SYN3: variants seen among roughly 807,000 people sequenced by gnomAD.
SYN3 encodes synapsin III.
In SYN3, 35 loss-of-function variants were observed where a neutral mutation model predicts 65.8. The ratio of observed to expected loss-of-function variants is 0.53; its 90% CI spans 0.41 to 0.70. The LOEUF is 0.70. SYN3 is among the 30% of genes least tolerant of loss of function. SYN3 has a pLI of 0.00. For missense variants in SYN3, 680 were observed against 749.0 expected (o/e 0.91, Z 1.08); for synonymous variants, 270 against 292.9 (o/e 0.92, Z 0.80).
chr22:32,782,075 T>G (rs1217690126), intron 6 of SYN3, among the ~76,000 whole-genome samples: 1 of 62,642 alleles, frequency 1.6e-5, no homozygotes, highest in Non-Finnish European at 3.8e-5. Flanking sequence ...GCTCTGTAAT[T>G]TTTTTTTTTT....
At chr22:32,913,905 A>C (rs1181953622) in intron 4 of SYN3, among the ~76,000 whole-genome samples, 1 of 152,246 alleles carries the variant, frequency 6.6e-6, no homozygotes, top group Non-Finnish European at 1.5e-5. Context: ...AAACAAGCGT[A>C]TGTTCCAAGC....
At chr22:32,857,918 C>A (rs2048417696) in intron 6 of SYN3, 3 of 1,576,136 alleles carry the variant, frequency 1.9e-6, no homozygotes, top group Admixed American at 3.3e-5. Flanking sequence ...TACCCAGCCA[C>A]AGTGCCTGGG....
intron 6 of SYN3, among the ~76,000 whole-genome samples, chr22:32,615,661 T>C (rs2059509322): frequency 6.6e-6 from 1 of 152,068 alleles, no homozygotes; most frequent in Non-Finnish European, 1.5e-5. Context: ...GAATCATACT[T>C]GTTCTAAGAG....
intron 3 of SYN3, among the ~76,000 whole-genome samples, chr22:32,954,522 T>A (rs2051388324): frequency 6.6e-6 from 1 of 152,260 alleles, no homozygotes; most frequent in South Asian, 2.1e-4. Context: ...GGGCTCCACA[T>A]GCTTAGACAC....
intron 6 of SYN3, among the ~76,000 whole-genome samples, chr22:32,824,084 C>G (rs1472544561): frequency 2.0e-5 from 3 of 152,058 alleles, no homozygotes; most frequent in Admixed American, 2.0e-4. Context: ...CGAGACCATC[C>G]TGGCTAACAC....
At chr22:32,828,704 T>C (rs1010531723) in intron 6 of SYN3, among the ~76,000 whole-genome samples, 2 of 152,198 alleles carry the variant, frequency 1.3e-5, no homozygotes, top group Admixed American at 6.5e-5. Context: ...GCGGGAGTTC[T>C]TACCTACCCA....
At chr22:32,827,952 G>GC (rs1268168968) in intron 6 of SYN3, among the ~76,000 whole-genome samples, 4 of 152,092 alleles carry the variant, frequency 2.6e-5, no homozygotes, top group Admixed American at 2.6e-4. Flanking sequence ...GGCCTTCCTT[G>GC]CCTCCCTTCC....
At chr22:32,541,491 G>C in intron 8 of SYN3, 80 bp downstream of exon 8, 1 of 1,560,792 alleles carries the variant, frequency 6.4e-7, no homozygotes, top group Non-Finnish European at 8.8e-7. Context: ...GCACCCTTGG[G>C]TGCAGGAGAC....
intron 6 of SYN3, among the ~76,000 whole-genome samples, chr22:32,864,233 A>G (rs1433394696): frequency 6.6e-6 from 1 of 152,178 alleles, no homozygotes; most frequent in Admixed American, 6.5e-5. Flanking sequence ...TCCTTTGACC[A>G]GTTTACGAAG....
rs148670522 is a variant in SYN3 at position 32,833,726 on chromosome 22, T to A, written c.711+31189A>T. On this transcript the variant is annotated intron_variant, in intron 6 of 13. Transcript: ENST00000358763. ...TCCACCACTTCCGCATTAGATGATC[T>A]GGGGAGAGTCACTTCTTCTTTACAG... 1,946 of 489,268 alleles carry A rather than the reference T, an allele frequency of 4.0e-3. 37 individuals carry two copies. Among genetic ancestry groups the A allele is most frequent in the African/African-American group, 0.036 (1,780 of 50,066 alleles). 30.3% of individuals were successfully genotyped at this position (489,268 alleles called of 1,614,324 possible). A position where few individuals can be genotyped will look rare whatever the true frequency, so the allele number is the denominator to read the frequency against.
intron 1 of SYN3, among the ~76,000 whole-genome samples, chr22:33,041,831 C>G (rs929512772): frequency 6.6e-6 from 1 of 152,102 alleles, no homozygotes; most frequent in African/African-American, 2.4e-5. Context: ...TTAGCTTGCT[C>G]AGGAAGCCTC....
At chr22:32,638,549 T>C (rs1263410747) in intron 6 of SYN3, among the ~76,000 whole-genome samples, 1 of 152,248 alleles carries the variant, frequency 6.6e-6, no homozygotes, top group Non-Finnish European at 1.5e-5. Context: ...GATTTGCATT[T>C]CTCTGATGAT....
At chr22:32,936,487 A>C (rs1052068352) in intron 3 of SYN3, among the ~76,000 whole-genome samples, 3 of 146,588 alleles carry the variant, frequency 2.0e-5, no homozygotes, top group African/African-American at 7.6e-5. Flanking sequence ...GCAGAGAAAA[A>C]ATAAAACAAA....
intron 7 of SYN3, among the ~76,000 whole-genome samples, chr22:32,583,040 T>C (rs1210226654): frequency 1.3e-5 from 2 of 152,186 alleles, no homozygotes; most frequent in Non-Finnish European, 2.9e-5. Context: ...GCTATTGGTA[T>C]GGAGGTCTCC....
intron 4 of SYN3, among the ~76,000 whole-genome samples, chr22:32,923,360 T>C (rs2050383972): frequency 6.6e-6 from 1 of 152,260 alleles, no homozygotes; most frequent in South Asian, 2.1e-4. Context: ...AAGATCTTCC[T>C]TGATGAGCCT....
intron 3 of SYN3, among the ~76,000 whole-genome samples, chr22:32,938,356 G>A (rs2050833575): frequency 6.6e-6 from 1 of 151,210 alleles, no homozygotes; most frequent in African/African-American, 2.4e-5. Flanking sequence ...GTGAAACCCT[G>A]TCTCTACTAA....
intron 3 of SYN3, among the ~76,000 whole-genome samples, chr22:32,976,728 TTTC>T (rs1040432487): frequency 6.6e-6 from 1 of 151,922 alleles, no homozygotes; most frequent in Non-Finnish European, 1.5e-5. Context: ...CTCCCCAGGG[TTTC>T]TTGATTCCTG....
intron 5 of SYN3, 108 bp from the exon 6 acceptor site, chr22:32,865,112 A>G (rs926236318): frequency 1.1e-5 from 9 of 854,706 alleles, no homozygotes; most frequent in Admixed American, 3.7e-5. Context: ...GCCGAGCTTC[A>G]GTAGGTGCTA....
chr22:32,818,668 C>T (rs1468869384), intron 6 of SYN3, among the ~76,000 whole-genome samples: 7 of 152,314 alleles, frequency 4.6e-5, no homozygotes, highest in African/African-American at 1.7e-4. Context: ...GGCGCTGGGC[C>T]TCCTGCTTGG....
Sources: allele counts gnomAD v4.1 joint callset (sites outside exome capture counted in the v4.1 genomes callset), GRCh38; gene constraint gnomAD v4.1.1; transcripts MANE v1.5; gene names NCBI Gene and HGNC (gene_info 2026-07-23, HGNC 2026-07-21).